The following ARID5B variants were observed in gnomAD, a reference collection of about 807,000 sequenced individuals.
The protein encoded by ARID5B is AT-rich interactive domain-containing protein 5B.
Under a neutral mutation model 97.2 loss-of-function variants are expected in ARID5B, and 13 were observed. The observed-to-expected ratio is 0.13, with a 90% CI of 0.09 to 0.21. The LOEUF is 0.21. Among genes scored for constraint, ARID5B ranks in the 10% least tolerant of loss-of-function variants. The pLI is 1.00. For synonymous variants in ARID5B, 556 were observed against 570.3 expected (o/e 0.97, Z 0.36); for missense variants, 1,210 against 1,465.3 (o/e 0.83, Z 2.84).
intron 4 of ARID5B, among the ~76,000 whole-genome samples, chr10:62,013,574 T>C (rs1839244365): frequency 6.6e-6 from 1 of 151,962 alleles, no homozygotes; most frequent in African/African-American, 2.4e-5. Flanking sequence ...GAGCAACATC[T>C]CCCCAACTCC....
At chr10:61,902,716 T>TGG (rs1214567998) in intron 2 of ARID5B, among the ~76,000 whole-genome samples, 1 of 152,016 alleles carries the variant, frequency 6.6e-6, no homozygotes, top group Non-Finnish European at 1.5e-5. Context: ...TGTGTGTGTG[T>TGG]GTTCATTTGC....
chr10:62,059,555 A>AT (rs1253867031), intron 7 of ARID5B, among the ~76,000 whole-genome samples: 1 of 152,166 alleles, frequency 6.6e-6, no homozygotes, highest in African/African-American at 2.4e-5. Flanking sequence ...TGGGTCTGTA[A>AT]TTTTTTCCCA....
intron 3 of ARID5B, among the ~76,000 whole-genome samples, chr10:61,968,471 A>C (rs932711229): frequency 9.0e-5 from 13 of 144,200 alleles, no homozygotes; most frequent in Non-Finnish European, 1.5e-4. Flanking sequence ...ATTGATACTT[A>C]GGTTCTTCCA....
intron 2 of ARID5B, among the ~76,000 whole-genome samples, chr10:61,930,019 A>G (rs1006512361): frequency 3.3e-5 from 5 of 152,226 alleles, no homozygotes; most frequent in Non-Finnish European, 5.9e-5. Context: ...ACAAGGGACT[A>G]GAGTGTGGAT....
Position 62,094,774 on chromosome 10 carries a change from C to T in ARID5B, c.*1744C>T. 4.3e-6 allele frequency: 1 copy of T among 231,540 alleles called. No homozygotes were observed. The highest frequency in any genetic ancestry group is 8.6e-6 in the Non-Finnish European group (1 of 116,948). The allele number at this position is 231,540 out of a possible 1,614,324, so 14.3% of individuals were successfully genotyped here. On this transcript the variant is annotated 3_prime_UTR_variant, in exon 10 of 10. Coordinates refer to ENST00000279873, the MANE Select transcript of ARID5B (RefSeq NM_032199.3). The stretch of plus-strand genomic sequence containing the variant: ...TGGATGAACTCCCCAACCCACTGTG[C>T]CCCTCCCGCAACACTACCAGTAGAC...
chr10:61,936,220 T>G (rs754383835), intron 2 of ARID5B, among the ~76,000 whole-genome samples: 1 of 152,242 alleles, frequency 6.6e-6, no homozygotes, highest in Non-Finnish European at 1.5e-5. Flanking sequence ...TGGCCCTTTT[T>G]TAAAACTTGC....
At chr10:62,027,994 G>T (rs1458152052) in intron 4 of ARID5B, among the ~76,000 whole-genome samples, 2 of 152,148 alleles carry the variant, frequency 1.3e-5, no homozygotes, top group African/African-American at 4.8e-5. Context: ...GAAACGCCTT[G>T]TCCCTGGTGT....
chr10:61,941,903 C>T (rs533436766), intron 3 of ARID5B, among the ~76,000 whole-genome samples: 18 of 152,294 alleles, frequency 1.2e-4, no homozygotes, highest in Middle Eastern at 6.8e-3. Context: ...TTATGACTTG[C>T]GGTAATGCTG....
chr10:61,998,189 C>T (rs1214787737), intron 3 of ARID5B, among the ~76,000 whole-genome samples: 3 of 152,174 alleles, frequency 2.0e-5, no homozygotes, highest in African/African-American at 4.8e-5. Flanking sequence ...TGGGTATTGG[C>T]CTCCTATCTG....
chr10:62,079,392 T>C (rs754336342), intron 8 of ARID5B, among the ~76,000 whole-genome samples: 1 of 152,222 alleles, frequency 6.6e-6, no homozygotes, highest in African/African-American at 2.4e-5. Context: ...TCTGTAGATA[T>C]TTCTTTCTGT....
intron 4 of ARID5B, among the ~76,000 whole-genome samples, chr10:62,045,195 TC>T (rs1443686905): frequency 1.3e-5 from 2 of 152,218 alleles, no homozygotes; most frequent in African/African-American, 4.8e-5. Flanking sequence ...GAAATGCCTT[TC>T]TTTCATTACA....
At chr10:62,007,529 C>G (rs1839161608) in intron 4 of ARID5B, among the ~76,000 whole-genome samples, 1 of 152,106 alleles carries the variant, frequency 6.6e-6, no homozygotes, top group Non-Finnish European at 1.5e-5. Flanking sequence ...AGGTATTGAC[C>G]TCACAGGACT....
chr10:61,965,446 A>C (rs1484521768), intron 3 of ARID5B, among the ~76,000 whole-genome samples: 1 of 152,146 alleles, frequency 6.6e-6, no homozygotes, highest in Non-Finnish European at 1.5e-5. Context: ...ATAATAATAT[A>C]CCTTTACCCT....
At chr10:62,050,034 G>A (rs777224821) in intron 4 of ARID5B, among the ~76,000 whole-genome samples, 5 of 152,158 alleles carry the variant, frequency 3.3e-5, no homozygotes, top group Admixed American at 6.5e-5. Context: ...ATGCCGGATA[G>A]TCATAGCTCT....
chr10:62,054,850 A>C (rs1589276688), intron 5 of ARID5B, among the ~76,000 whole-genome samples: 1 of 152,120 alleles, frequency 6.6e-6, no homozygotes, highest in African/African-American at 2.4e-5. Context: ...TGAGTTCTAA[A>C]CCCAGAGGTC....
intron 6 of ARID5B, 101 bp from the exon 7 acceptor site, chr10:62,059,141 CT>C (rs1217161807): frequency 8.3e-6 from 8 of 966,908 alleles, no homozygotes; most frequent in Middle Eastern, 3.3e-4. Context: ...TTTAGTATTT[CT>C]TTTTTTCTCT....
chr10:62,011,677 C>T (rs941157263), intron 4 of ARID5B, among the ~76,000 whole-genome samples: 2 of 152,222 alleles, frequency 1.3e-5, no homozygotes, highest in African/African-American at 4.8e-5. Context: ...TTCAGAGCAC[C>T]TCCACCTCTT....
intron 7 of ARID5B, among the ~76,000 whole-genome samples, chr10:62,066,089 C>T (rs930417635): frequency 3.9e-5 from 6 of 152,062 alleles, no homozygotes; most frequent in East Asian, 1.9e-4. Flanking sequence ...TTACCCACAT[C>T]GAGAGAGGAC....
intron 2 of ARID5B, among the ~76,000 whole-genome samples, chr10:61,917,837 G>A (rs573137203): frequency 1.2e-4 from 18 of 152,184 alleles, no homozygotes; most frequent in Non-Finnish European, 2.2e-4. Context: ...AAGAAGAAGA[G>A]CTTGGCTCTG....
Sources: gnomAD v4.1 joint callset for allele counts (sites outside exome capture counted in the v4.1 genomes callset) on GRCh38, gnomAD v4.1.1 for gene constraint, MANE v1.5 for transcripts, NCBI Gene and HGNC (gene_info 2026-07-23, HGNC 2026-07-21) for gene names.